Variants in SIM1 observed in about 807,000 individuals in gnomAD.
The protein encoded by SIM1 is single-minded homolog 1.
SIM1 carries 18 observed loss-of-function variants against 78.2 expected under a neutral mutation model. The ratio of observed to expected loss-of-function variants is 0.23; its 90% CI spans 0.16 to 0.34. The LOEUF is 0.34. Ranked by LOEUF, SIM1 falls within the 10% of genes least tolerant of loss-of-function variation. The pLI is 1.00. For synonymous variants in SIM1, 417 were observed against 385.2 expected (o/e 1.08, Z -0.97); for missense variants, 939 against 975.1 (o/e 0.96, Z 0.49).
chr6:100,391,228 G>C, intron 11 of SIM1, 137 bp from the exon 12 acceptor site: 10 of 907,658 alleles, frequency 1.1e-5, no homozygotes, highest in Non-Finnish European at 1.6e-5. Flanking sequence ...AGGCTCACAT[G>C]ATGTGAGCAC....
chr6:100,396,691 G>A (rs1455311803), intron 10 of SIM1, among the ~76,000 whole-genome samples: 3 of 152,016 alleles, frequency 2.0e-5, no homozygotes, highest in Non-Finnish European at 2.9e-5. Flanking sequence ...TGCACCAGTG[G>A]GCACCATCAA....
At chr6:100,401,811 TC>T (rs1472762970) in intron 10 of SIM1, among the ~76,000 whole-genome samples, 1 of 152,242 alleles carries the variant, frequency 6.6e-6, no homozygotes, top group African/African-American at 2.4e-5. Context: ...ACAACATTTT[TC>T]TGAAGAAATG....
At chr6:100,448,796 C>T in intron 6 of SIM1, 118 bp from the exon 7 acceptor site, 1 of 851,496 alleles carries the variant, frequency 1.2e-6, no homozygotes, top group Non-Finnish European at 1.8e-6. Context: ...GCTGACCACG[C>T]CCGTGCACTA....
intron 10 of SIM1, among the ~76,000 whole-genome samples, chr6:100,398,954 TGTGTGTATGTGTA>T (rs1424577161): frequency 8.3e-6 from 1 of 119,912 alleles, no homozygotes; most frequent in Non-Finnish European, 1.9e-5. Flanking sequence ...TGTGTGTGTG[TGTGTGTATGTGTA>T]GTAGTAGTAG....
chr6:100,402,364 C>T (rs1404323545), intron 10 of SIM1, among the ~76,000 whole-genome samples: 1 of 152,056 alleles, frequency 6.6e-6, no homozygotes, highest in East Asian at 1.9e-4. Flanking sequence ...ATAGTAGGGC[C>T]TTTTCTTCCA....
intron 11 of SIM1, among the ~76,000 whole-genome samples, chr6:100,392,699 T>C (rs142114331): frequency 6.6e-6 from 1 of 152,370 alleles, no homozygotes; most frequent in African/African-American, 2.4e-5. Flanking sequence ...AGTAGTAGTA[T>C]TGGGGCCTTC....
chr6:100,462,963 G>A (rs773578837), intron 2 of SIM1: 9 of 220,070 alleles, frequency 4.1e-5, no homozygotes, highest in Non-Finnish European at 5.4e-5. Flanking sequence ...AACAAGAGGA[G>A]TAAAAAAGAA....
chr6:100,393,388 A>G, intron 11 of SIM1, 99 bp downstream of exon 11: 1 of 1,062,728 alleles, frequency 9.4e-7, no homozygotes, highest in Non-Finnish European at 1.3e-6. Flanking sequence ...TGTAAATCAA[A>G]GAAGATAACT....
At chr6:100,461,896 C>G (rs2114560551) in intron 2 of SIM1, among the ~76,000 whole-genome samples, 1 of 130,448 alleles carries the variant, frequency 7.7e-6, no homozygotes, top group African/African-American at 3.5e-5. Context: ...TTTCTTTTTT[C>G]CCCACAGTTT....
intron 7 of SIM1, 47 bp downstream of exon 7, chr6:100,448,432 G>A: frequency 6.3e-7 from 1 of 1,582,510 alleles, no homozygotes; most frequent in East Asian, 2.3e-5. Flanking sequence ...CACTAAGCAG[G>A]GCCGCCCTCA....
chr6:100,401,542 C>T (rs1770915549), intron 10 of SIM1, among the ~76,000 whole-genome samples: 1 of 151,406 alleles, frequency 6.6e-6, no homozygotes, highest in African/African-American at 2.4e-5. Context: ...AGAGGCATGA[C>T]ATATGTAACC....
intron 2 of SIM1, among the ~76,000 whole-genome samples, chr6:100,454,796 C>T (rs532727413): frequency 6.6e-6 from 1 of 152,164 alleles, no homozygotes; most frequent in African/African-American, 2.4e-5. Context: ...AATATGGAGT[C>T]GGCTAGAGTA....
rs1181157803 is a variant in SIM1, at chr6:100,386,171, T to C, written c.*4190A>G. 3.3e-5 allele frequency: 5 copies of C among 152,040 alleles called. No homozygotes were observed. Among genetic ancestry groups the C allele is most frequent in the Non-Finnish European group, 5.9e-5 (4 of 67,912 alleles). The allele number at this position is 152,040 out of a possible 1,614,324, so 9.4% of individuals were successfully genotyped here. ...AATCATTATGAAAACAGGATGTATG[T>C]CAACATCTATGATTTGAGTGAACTA... is the stretch of plus-strand genomic sequence containing the variant. On this transcript the variant is annotated 3_prime_UTR_variant, in exon 12 of 12. Coordinates refer to ENST00000369208, the MANE Select transcript of SIM1 (RefSeq NM_005068.3).
intron 2 of SIM1, among the ~76,000 whole-genome samples, chr6:100,458,990 T>C (rs1206428905): frequency 6.6e-6 from 1 of 152,228 alleles, no homozygotes; most frequent in African/African-American, 2.4e-5. Flanking sequence ...CTCATTTTCC[T>C]GAGAAATACC....
intron 2 of SIM1, among the ~76,000 whole-genome samples, chr6:100,458,748 C>A (rs576218000): frequency 6.6e-6 from 1 of 151,840 alleles, no homozygotes; most frequent in Non-Finnish European, 1.5e-5. Flanking sequence ...CCCCTGTCGG[C>A]CCTGCGCCGC....
rs1188235609 is a variant in SIM1 at position 100,390,041 on chromosome 6, ATGT to A, written c.*317_*319del. On this transcript the variant is annotated 3_prime_UTR_variant, in exon 12 of 12. Coordinates refer to ENST00000369208, the MANE Select transcript of SIM1 (RefSeq NM_005068.3). The stretch of plus-strand genomic sequence containing the variant: ...AGGATCACTGGATAGTCACAATGCA[ATGT>A]TGTCATTCATCAGTCCTCTCATGTA... 6 of 409,922 alleles carry A rather than the reference ATGT, an allele frequency of 1.5e-5. No individual in the cohort carries two copies. The highest frequency in any genetic ancestry group is 6.2e-4 in the Middle Eastern group (1 of 1,616). The allele number at this position is 409,922 out of a possible 1,614,324, so 25.4% of individuals were successfully genotyped here.
At chr6:100,403,397 C>T (rs1212838396) in intron 10 of SIM1, among the ~76,000 whole-genome samples, 1 of 152,228 alleles carries the variant, frequency 6.6e-6, no homozygotes, top group South Asian at 2.1e-4. Context: ...AGGCCTGAGC[C>T]ATCCTTTGGG....
At chr6:100,396,642 A>T (rs1282845030) in intron 10 of SIM1, among the ~76,000 whole-genome samples, 1 of 152,158 alleles carries the variant, frequency 6.6e-6, no homozygotes, top group African/African-American at 2.4e-5. Flanking sequence ...ACAGAGGAAA[A>T]GCCTCACAGT....
chr6:100,421,022 C>T, intron 9 of SIM1, 64 bp from the exon 10 acceptor site: 1 of 1,506,624 alleles, frequency 6.6e-7, no homozygotes, highest in South Asian at 1.2e-5. Flanking sequence ...TGCATACTCT[C>T]ATCAGGAATG....
Sources: gnomAD v4.1 joint callset for allele counts (sites outside exome capture counted in the v4.1 genomes callset) on GRCh38, gnomAD v4.1.1 for gene constraint, MANE v1.5 for transcripts, NCBI Gene and HGNC (gene_info 2026-07-23, HGNC 2026-07-21) for gene names.